MBP: variants seen among roughly 807,000 people sequenced by gnomAD.
MBP encodes Golli-MBP.
Under a neutral mutation model 35.8 loss-of-function variants are expected in MBP, and 16 were observed. That is an observed-to-expected ratio of 0.45 (90% CI 0.30 to 0.68). The LOEUF is 0.68. MBP is among the 30% of genes least tolerant of loss of function. The pLI, the probability that MBP is intolerant of heterozygous loss-of-function variation, is 0.08. For synonymous variants in MBP, 143 were observed against 159.6 expected (o/e 0.90, Z 0.78); for missense variants, 380 against 404.7 (o/e 0.94, Z 0.52).
chr18:77,049,382 C>T (rs940341642), intron 3 of MBP, among the ~76,000 whole-genome samples: 1 of 152,176 alleles, frequency 6.6e-6, no homozygotes, highest in Non-Finnish European at 1.5e-5. Flanking sequence ...GGAGAACATG[C>T]TTATAGCTGG....
At chr18:77,075,959 A>G (rs977569431) in intron 2 of MBP, among the ~76,000 whole-genome samples, 1 of 152,246 alleles carries the variant, frequency 6.6e-6, no homozygotes, top group Non-Finnish European at 1.5e-5. Context: ...TGATCTGAAT[A>G]TCATACCTTA....
At position 77,013,865 on chromosome 18, in the gene MBP, G is replaced by A; in HGVS notation, c.576+2967C>T. On this transcript the variant is annotated intron_variant, in intron 4 of 8. Coordinates refer to ENST00000355994, the MANE Select transcript of MBP (RefSeq NM_001025101.2). Reference sequence around the variant, plus strand: ...AACCTTACTTCCTCCACATAAAAAGGAAGGAACGGTTTCCAAAGCTAATGT... The same window carrying A: ...AACCTTACTTCCTCCACATAAAAAGAAAGGAACGGTTTCCAAAGCTAATGT... The A allele has an allele frequency of 1.0e-5, 10 of 985,448 alleles. No homozygotes were observed. The South Asian group carries it at 1.4e-4, about 14-fold the overall frequency. 61.0% of individuals were successfully genotyped at this position (985,448 alleles called of 1,614,324 possible). A position where few individuals can be genotyped will look rare whatever the true frequency, so the allele number is the denominator to read the frequency against.
intron 1 of MBP, chr18:77,127,442 A>C (rs778308737): frequency 6.6e-5 from 10 of 152,214 alleles, no homozygotes; most frequent in Admixed American, 3.3e-4. Context: ...AAACTATAAA[A>C]TTTGTAGGGA....
chr18:77,101,868 A>G lies in MBP; in HGVS notation c.51+3343T>C, dbSNP rs529095016. Among the ~76,000 whole-genome samples, 1 of 152,314 alleles carries G rather than the reference A, an allele frequency of 6.6e-6. No individual in the cohort carries two copies. Among genetic ancestry groups the G allele is most frequent in the South Asian group, 2.1e-4 (1 of 4,826 alleles). ...CTCCCCAGCAGCCAACGGCACCTAA[A>G]GCCTGCTCAGGAAACTGAGCTTTTA... On this transcript the variant is annotated intron_variant, in intron 2 of 8. Coordinates refer to ENST00000355994, the MANE Select transcript of MBP (RefSeq NM_001025101.2). The surrounding 1 kb of genome is among the most constrained non-coding windows in gnomAD (Gnocchi z 4.3).
chr18:77,003,468 A>G (rs1970746776), intron 4 of MBP: 1 of 152,196 alleles, frequency 6.6e-6, no homozygotes, highest in African/African-American at 2.4e-5. Context: ...TGGCACTCTC[A>G]GGAAGTGCAG....
At chr18:77,122,974 C>A (rs976995968) in intron 1 of MBP, among the ~76,000 whole-genome samples, 2 of 152,214 alleles carry the variant, frequency 1.3e-5, no homozygotes, top group African/African-American at 4.8e-5. Context: ...GGGTATTGAG[C>A]AAATATTTTG....
At chr18:77,122,862 A>T (rs1335264157) in intron 1 of MBP, among the ~76,000 whole-genome samples, 1 of 152,170 alleles carries the variant, frequency 6.6e-6, no homozygotes, top group South Asian at 2.1e-4. Context: ...TCCATTCAAC[A>T]TAATTCTGCC....
At chr18:77,018,172 TCC>T in intron 3 of MBP, among the ~76,000 whole-genome samples, 1 of 151,766 alleles carries the variant, frequency 6.6e-6, no homozygotes, top group South Asian at 2.1e-4. Flanking sequence ...TATCCATCCA[TCC>T]ATACACACAC....
intron 3 of MBP, 155 bp downstream of exon 3, chr18:77,066,143 T>C (rs955790190): frequency 3.2e-6 from 2 of 633,570 alleles, no homozygotes; most frequent in African/African-American, 3.7e-5. Flanking sequence ...ATTACAGACA[T>C]GAAGCAATGA....
At chr18:77,046,925 G>A (rs1973282016) in intron 3 of MBP, among the ~76,000 whole-genome samples, 1 of 152,206 alleles carries the variant, frequency 6.6e-6, no homozygotes, top group Admixed American at 6.5e-5. Context: ...AATCTCTGAT[G>A]CCAGGAAACA....
At chr18:77,007,204 T>A (rs1971032999) in intron 4 of MBP, among the ~76,000 whole-genome samples, 1 of 152,240 alleles carries the variant, frequency 6.6e-6, no homozygotes, top group South Asian at 2.1e-4. Context: ...CCTTCTTCCG[T>A]GGCTGGTGCC....
intron 3 of MBP, among the ~76,000 whole-genome samples, chr18:77,064,378 G>A (rs1599170276): frequency 6.6e-6 from 1 of 152,160 alleles, no homozygotes. Context: ...TGAAGGCGGT[G>A]AGTTATGCTC....
intron 2 of MBP, among the ~76,000 whole-genome samples, chr18:77,079,162 G>T (rs1974783141): frequency 6.6e-6 from 1 of 152,220 alleles, no homozygotes; most frequent in Non-Finnish European, 1.5e-5. Flanking sequence ...GCTGGTAAAG[G>T]GTCTTTCGGA....
intron 2 of MBP, among the ~76,000 whole-genome samples, chr18:77,071,571 T>C (rs568625169): frequency 6.6e-6 from 1 of 152,272 alleles, no homozygotes; most frequent in Non-Finnish European, 1.5e-5. Context: ...AAACTAAGAA[T>C]CCATGACTGT....
intron 2 of MBP, among the ~76,000 whole-genome samples, chr18:77,080,363 C>T (rs1206623774): frequency 5.3e-5 from 8 of 152,264 alleles, no homozygotes; most frequent in Admixed American, 1.3e-4. Flanking sequence ...GAGGGCAGCC[C>T]GGAGGCTGTC....
intron 2 of MBP, among the ~76,000 whole-genome samples, chr18:77,081,695 A>T (rs1974904119): frequency 6.6e-6 from 1 of 151,638 alleles, no homozygotes; most frequent in Non-Finnish European, 1.5e-5. Flanking sequence ...AATACACCCA[A>T]GAGAAATAAA....
In MBP at chr18:77,101,859, G is replaced by A. The variant is rs76614003; in HGVS notation, c.51+3352C>T. Among the ~76,000 whole-genome samples the A allele has an allele frequency of 3.8e-3, 583 of 152,232 alleles. 2 individuals carry two copies. The highest frequency in any genetic ancestry group is 5.6e-3 in the Non-Finnish European group (384 of 68,016). On this transcript the variant is annotated intron_variant, in intron 2 of 8. Coordinates refer to ENST00000355994, the MANE Select transcript of MBP (RefSeq NM_001025101.2). The surrounding 1 kb of genome is among the most constrained non-coding windows in gnomAD (Gnocchi z 4.3). Reference sequence around the variant, plus strand: ...CCCCACCACCTCCCCAGCAGCCAACGGCACCTAAAGCCTGCTCAGGAAACT... The same window carrying A: ...CCCCACCACCTCCCCAGCAGCCAACAGCACCTAAAGCCTGCTCAGGAAACT...
intron 1 of MBP, chr18:77,109,932 GCA>G (rs1271670641): frequency 6.6e-6 from 1 of 152,104 alleles, no homozygotes; most frequent in Non-Finnish European, 1.5e-5. Flanking sequence ...GCTTTTGATT[GCA>G]CAGTTTTTTT....
intron 4 of MBP, chr18:77,005,536 C>CG (rs1213564720): frequency 6.6e-6 from 1 of 152,354 alleles, no homozygotes; most frequent in East Asian, 1.9e-4. Context: ...GCAGATGACT[C>CG]GGAGCTGATG....
Sources: allele counts gnomAD v4.1 joint callset (sites outside exome capture counted in the v4.1 genomes callset), GRCh38; gene constraint gnomAD v4.1.1; non-coding constraint Gnocchi (gnomAD v3.1); transcripts MANE v1.5; gene names NCBI Gene and HGNC (gene_info 2026-07-23, HGNC 2026-07-21).